Variants in FASTKD1 observed in about 807,000 individuals in gnomAD.
FASTKD1 encodes the protein FAST kinase domain-containing protein 1, mitochondrial.
In FASTKD1, 94 loss-of-function variants were observed where a neutral mutation model predicts 90.9. That is an observed-to-expected ratio of 1.03 (90% CI 0.88 to 1.23). The LOEUF (loss-of-function observed/expected upper bound fraction) is 1.23. Among genes scored for constraint, FASTKD1 ranks in the 50% most tolerant of loss-of-function variants. The pLI is 0.00. For synonymous variants in FASTKD1, 319 were observed against 345.8 expected, an observed-to-expected ratio of 0.92 and a Z score of 0.86; for missense variants, 945 against 993.5, an observed-to-expected ratio of 0.95 and a Z score of 0.66.
rs147556920 is a variant in FASTKD1, at chr2:169,532,298, C to T, written c.2189-808G>A. The stretch of plus-strand genomic sequence containing the variant: ...AAGCCAGGTGTAGTGGTAGCTACTC[C>T]GGCTGAGGAGGCTGAGGTGGGCGGA... On this transcript the variant is annotated intron_variant, in intron 12 of 14. Coordinates refer to ENST00000453153, the MANE Select transcript of FASTKD1 (RefSeq NM_024622.6). Among the ~76,000 whole-genome samples the T allele has an allele frequency of 2.7e-4, 41 of 151,532 alleles. No homozygotes were observed. The East Asian group carries it at 7.0e-3, about 26-fold the overall frequency.
chr2:169,559,262 C>T (rs572941854), intron 5 of FASTKD1, among the ~76,000 whole-genome samples: 12 of 151,996 alleles, frequency 7.9e-5, no homozygotes, highest in South Asian at 6.2e-4. Flanking sequence ...CATGATCCAC[C>T]GCACCCAGCC....
intron 8 of FASTKD1, 34 bp downstream of exon 8, chr2:169,546,184 T>C: frequency 6.6e-7 from 1 of 1,508,168 alleles, no homozygotes; most frequent in African/African-American, 1.4e-5. Context: ...AGTTGACAAC[T>C]CTATAAAATT....
At chr2:169,571,421 G>A (rs1010125017) in intron 2 of FASTKD1, among the ~76,000 whole-genome samples, 6 of 151,548 alleles carry the variant, frequency 4.0e-5, no homozygotes, top group African/African-American at 9.7e-5. Flanking sequence ...AAAATTAGCC[G>A]GGCGTGGTGG....
rs761056333 is a variant in FASTKD1, at chr2:169,563,318, G to C, written c.479C>G (p.Ser160Cys). Residue 160 changes from serine to cysteine, a missense_variant, in exon 4 of 15, where the codon TCT becomes TGT. By Grantham distance (112) the Ser-to-Cys change is moderately radical. Transcript: ENST00000453153. ...ATACAAATGCTGATCTGCTAGGCAA[G>C]AGGAAAATTCTGAGAGCAGTTTAAT... ...FDIKLLSEFSSCLADQHLYFS... is the reference protein window; with the variant it reads ...FDIKLLSEFSCCLADQHLYFS... 3.7e-6 allele frequency: 6 copies of C among 1,608,972 alleles called. No individual in the cohort carries two copies. In the African/African-American group the frequency reaches 6.7e-5, roughly 18 times the overall value.
At chr2:169,534,469 T>G (rs547789950) in intron 12 of FASTKD1, among the ~76,000 whole-genome samples, 3,667 of 148,632 alleles carry the variant, frequency 0.025, 166 homozygotes, top group African/African-American at 0.086. Context: ...TTTTCTTTTT[T>G]TTTTTTTTTT....
At chr2:169,530,177 A>G (rs1054952043) in intron 14 of FASTKD1, among the ~76,000 whole-genome samples, 6 of 152,190 alleles carry the variant, frequency 3.9e-5, no homozygotes, top group African/African-American at 1.4e-4. Flanking sequence ...ATAGTCTTCT[A>G]TATTCATACC....
At position 169,537,207 on chromosome 2, in the gene FASTKD1, T is replaced by A. The variant is rs959729849; in HGVS notation, c.2188+20A>T. 7.4e-6 allele frequency: 10 copies of A among 1,359,174 alleles called. No homozygotes were observed. The highest frequency in any genetic ancestry group is 5.7e-5 in the African/African-American group (4 of 69,772). 84.2% of individuals were successfully genotyped at this position (1,359,174 alleles called of 1,614,324 possible). A position where few individuals can be genotyped will look rare whatever the true frequency, so the allele number is the denominator to read the frequency against. On this transcript the variant is annotated intron_variant, in intron 12 of 14. Transcript: ENST00000453153. The stretch of plus-strand genomic sequence containing the variant: ...AGTTTGATTTTCTGAAAGTAACTAA[T>A]AACCTACCCAATAACTTACCTACTT...
rs1427785307 is a variant in FASTKD1, at chr2:169,560,402, G to C, written c.956C>G (p.Pro319Arg). The C allele has an allele frequency of 2.6e-6, 4 of 1,541,198 alleles. No individual in the cohort carries two copies. Among genetic ancestry groups the C allele is most frequent in the Non-Finnish European group, 3.5e-6 (4 of 1,152,956 alleles). Reference sequence around the variant, plus strand: ...CTGAACTTACTGTTTCTTTTCTTCAGGTCCTGCAATGGGTCCCAATGCTAC... The same window carrying C: ...CTGAACTTACTGTTTCTTTTCTTCACGTCCTGCAATGGGTCCCAATGCTAC... ...LFVALGPIAG[P>R]EEKKQLKSTM... Residue 319 changes from proline (P) to arginine (R), a missense_variant, in exon 5 of 15, where the codon CCT (proline) becomes CGT (arginine). By Grantham distance (103) the Pro-to-Arg change is moderately radical (BLOSUM62 -2). Coordinates refer to ENST00000453153, the MANE Select transcript of FASTKD1 (RefSeq NM_024622.6).
intron 4 of FASTKD1, among the ~76,000 whole-genome samples, chr2:169,561,942 A>AATTATTAATTTATTG (rs1683675831): frequency 5.1e-5 from 7 of 137,948 alleles, no homozygotes; most frequent in African/African-American, 1.9e-4. Context: ...TTAATTTATT[A>AATTATTAATTTATTG]TAAATTAATT....
chr2:169,551,336 A>G (rs1685480824), intron 7 of FASTKD1, among the ~76,000 whole-genome samples: 1 of 152,252 alleles, frequency 6.6e-6, no homozygotes, highest in Non-Finnish European at 1.5e-5. Flanking sequence ...GAATTTGTTC[A>G]TAAACAGTAC....
intron 14 of FASTKD1, 122 bp downstream of exon 14, chr2:169,530,465 G>A (rs1284656605): frequency 1.2e-5 from 8 of 643,152 alleles, no homozygotes; most frequent in Non-Finnish European, 1.9e-5. Context: ...GCCTGTTTGA[G>A]TGATACATTT....
Position 169,571,734 on chromosome 2 carries a change from A to G in FASTKD1, c.296T>C (p.Leu99Pro). 6.2e-7 allele frequency: 1 copy of G among 1,613,820 alleles called. No individual in the cohort carries two copies. Among genetic ancestry groups the G allele is most frequent in the East Asian group, 2.2e-5 (1 of 44,854 alleles). ...ATTTGTAGCTAAATTATGAAGAGTAAGAAATTGAGGATGGTCTCTGACATA... is the reference window on the plus strand; with the variant it reads ...ATTTGTAGCTAAATTATGAAGAGTAGGAAATTGAGGATGGTCTCTGACATA... The part of the protein sequence containing the change: ...AEYVRDHPQF[L>P]TLHNLATNKF... Residue 99 changes from leucine (L) to proline (P), a missense_variant, in exon 2 of 15, where the codon CTT (leucine) becomes CCT (proline). Transcript: ENST00000453153.
intron 3 of FASTKD1, among the ~76,000 whole-genome samples, chr2:169,567,026 A>T (rs1684022001): frequency 6.6e-6 from 1 of 152,120 alleles, no homozygotes; most frequent in Admixed American, 6.5e-5. Context: ...GAGGCAGGAC[A>T]ATCACTTGAA....
chr2:169,557,077 A>C, intron 6 of FASTKD1, 110 bp downstream of exon 6: 2 of 729,318 alleles, frequency 2.7e-6, no homozygotes, highest in Non-Finnish European at 2.4e-6. Context: ...TTAATTCCTT[A>C]TTTCTTCAAA....
At chr2:169,561,513 G>A (rs902661556) in intron 4 of FASTKD1, among the ~76,000 whole-genome samples, 3 of 151,778 alleles carry the variant, frequency 2.0e-5, no homozygotes, top group Admixed American at 1.3e-4. Flanking sequence ...GAAAACCAGA[G>A]AAACTCCTTA....
intron 9 of FASTKD1, among the ~76,000 whole-genome samples, chr2:169,540,813 C>T (rs1684928179): frequency 6.6e-6 from 1 of 152,184 alleles, no homozygotes; most frequent in Non-Finnish European, 1.5e-5. Context: ...ATGCTGCTCT[C>T]TGGGAATCTC....
At chr2:169,546,161 T>C (rs1685180343) in intron 8 of FASTKD1, 57 bp downstream of exon 8, 1 of 1,482,322 alleles carries the variant, frequency 6.7e-7, no homozygotes, top group Non-Finnish European at 9.0e-7. Flanking sequence ...ATGATAAAAA[T>C]TATGCTTGCA....
chr2:169,534,879 AAC>A (rs1684663594), intron 12 of FASTKD1, among the ~76,000 whole-genome samples: 1 of 152,078 alleles, frequency 6.6e-6, no homozygotes, highest in Non-Finnish European at 1.5e-5. Context: ...AAGTTAGGAA[AAC>A]AGACACCAAA....
intron 7 of FASTKD1, 61 bp from the exon 8 acceptor site, chr2:169,546,765 A>T: frequency 4.2e-6 from 6 of 1,439,526 alleles, no homozygotes; most frequent in Non-Finnish European, 5.7e-6. Flanking sequence ...TATGTATTAA[A>T]ATATGAATAC....
Sources: gnomAD v4.1 joint callset for allele counts (sites outside exome capture counted in the v4.1 genomes callset) on GRCh38, gnomAD v4.1.1 for gene constraint, MANE v1.5 for transcripts, NCBI Gene and HGNC (gene_info 2026-07-23, HGNC 2026-07-21) for gene names.